Variants in TAL1 observed in about 807,000 individuals in gnomAD.
TAL1 encodes the protein T-cell acute lymphocytic leukemia protein 1.
Under a neutral mutation model 17.9 loss-of-function variants are expected in TAL1, and 8 were observed. The observed-to-expected ratio is 0.45, with a 90% CI of 0.26 to 0.81. TAL1 has a LOEUF of 0.81. Ranked by LOEUF, TAL1 falls within the 30% of genes least tolerant of loss-of-function variation. The probability of loss-of-function intolerance (pLI) is 0.17; values close to 1 mark genes in which losing one functional copy is unlikely to be tolerated. For missense variants in TAL1, 466 were observed against 486.9 expected (o/e 0.96, Z 0.40); for synonymous variants, 223 against 218.6 (o/e 1.02, Z -0.18).
chr1:47,228,936 C>A (rs1051647092), intron 1 of TAL1: 1 of 161,846 alleles, frequency 6.2e-6, no homozygotes, highest in Non-Finnish European at 1.3e-5. Flanking sequence ...TCCACAGAAC[C>A]GGGACCAATG....
intron 1 of TAL1, among the ~76,000 whole-genome samples, chr1:47,226,485 G>T (rs895474481): frequency 3.3e-5 from 5 of 152,116 alleles, no homozygotes; most frequent in African/African-American, 1.2e-4. Context: ...GATCCACTCC[G>T]CCAGAGCTGG....
chr1:47,217,462 G>A (rs141357333), exon 4 of TAL1: 4 of 398,204 alleles, frequency 1.0e-5, no homozygotes, highest in East Asian at 7.1e-5. Flanking sequence ...AGGCCAAAGC[G>A]GTTTACAATC....
At chr1:47,226,771 T>A (rs1378001834) in intron 1 of TAL1, among the ~76,000 whole-genome samples, 1 of 152,182 alleles carries the variant, frequency 6.6e-6, no homozygotes, top group African/African-American at 2.4e-5. Flanking sequence ...TGAGGTAGAA[T>A]GGAGCTGGGC....
chr1:47,225,807 G>A, exon 2 of TAL1: 1 of 1,573,810 alleles, frequency 6.4e-7, no homozygotes, highest in Non-Finnish European at 8.6e-7. Flanking sequence ...AGGTGCGGGG[G>A]GGCCATGCTG....
At chr1:47,216,647 A>G (rs1645501229) in exon 4 of TAL1, 1 of 231,840 alleles carries the variant, frequency 4.3e-6, no homozygotes, top group Admixed American at 5.6e-5. Flanking sequence ...TCGGCTGACT[A>G]CAGATGCTGT....
chr1:47,231,404 CACAGGCAT>C (rs1264008873), upstream of TAL1, among the ~76,000 whole-genome samples: 2 of 150,222 alleles, frequency 1.3e-5, no homozygotes, highest in Non-Finnish European at 3.0e-5. Flanking sequence ...GACACAGGCA[CACAGGCAT>C]ACAACTCAGT....
At chr1:47,224,247 GAC>G (rs141182492) in intron 2 of TAL1, 149 bp from the exon 4 acceptor site, 3,040 of 614,752 alleles carry the variant, frequency 4.9e-3, no homozygotes, top group South Asian at 6.7e-3. Flanking sequence ...GGCACACACA[GAC>G]ACACACACAC....
At chr1:47,224,713 TC>T (rs1344210646) in intron 2 of TAL1, among the ~76,000 whole-genome samples, 2 of 152,150 alleles carry the variant, frequency 1.3e-5, no homozygotes, top group Non-Finnish European at 2.9e-5. Flanking sequence ...TAGCTCTGTC[TC>T]GGGTGCCCGC....
At chr1:47,221,351 G>A (rs1321101419) in intron 3 of TAL1, among the ~76,000 whole-genome samples, 1 of 152,204 alleles carries the variant, frequency 6.6e-6, no homozygotes, top group Non-Finnish European at 1.5e-5. Context: ...ACAATCCACT[G>A]ACTATGGCTT....
exon 2 of TAL1, chr1:47,225,695 G>T (rs1464377428): frequency 1.4e-6 from 2 of 1,434,480 alleles, no homozygotes; most frequent in South Asian, 1.4e-5. Flanking sequence ...GCCCCCACCG[G>T]CAGGGCCGCC....
chr1:47,217,147 A>G (rs564154515), exon 4 of TAL1: 40 of 240,052 alleles, frequency 1.7e-4, no homozygotes, highest in African/African-American at 8.1e-4. Flanking sequence ...CTGGAGGCAA[A>G]GGCAGGAGAA....
chr1:47,220,756 ATG>A (rs1643773437), intron 3 of TAL1, among the ~76,000 whole-genome samples: 2 of 152,232 alleles, frequency 1.3e-5, no homozygotes, highest in Admixed American at 1.3e-4. Flanking sequence ...ATTATTATCC[ATG>A]TATCAGTTTT....
At chr1:47,228,853 TC>T (rs1643955640) in intron 1 of TAL1, 1 of 157,452 alleles carries the variant, frequency 6.4e-6, no homozygotes, top group South Asian at 2.0e-4. Context: ...GCCGCCTTCC[TC>T]CTGCGGGAGC....
chr1:47,219,821 C>T, exon 4 of TAL1: 1 of 1,606,394 alleles, frequency 6.2e-7, no homozygotes, highest in Non-Finnish European at 8.5e-7. Context: ...TCCGGGCTGG[C>T]TGCCCCATCC....
intron 2 of TAL1, 110 bp downstream of exon 3, chr1:47,225,333 C>T: frequency 9.6e-7 from 1 of 1,044,578 alleles, no homozygotes; most frequent in Non-Finnish European, 1.2e-6. Context: ...TGCGCTCCAC[C>T]CGCTCGGCCC....
intron 3 of TAL1, 74 bp downstream of exon 4, chr1:47,223,930 C>A: frequency 7.1e-7 from 1 of 1,414,024 alleles, no homozygotes; most frequent in South Asian, 1.2e-5. Context: ...CGGAGTAGTC[C>A]CAGATGTTCC....
At chr1:47,217,872 T>C (rs752111224) in exon 4 of TAL1, 7 of 397,556 alleles carry the variant, frequency 1.8e-5, no homozygotes, top group South Asian at 1.4e-4. Context: ...CTTCCAAACG[T>C]TGGAAAGGAA....
chr1:47,228,646 C>T (rs1445901274), intron 1 of TAL1: 1 of 171,058 alleles, frequency 5.8e-6, no homozygotes, highest in Non-Finnish European at 1.3e-5. Context: ...GACCCAGCCT[C>T]TGGTCTCTCT....
intron 2 of TAL1, among the ~76,000 whole-genome samples, chr1:47,224,361 C>T (rs1331446670): frequency 6.6e-6 from 1 of 151,684 alleles, no homozygotes; most frequent in Non-Finnish European, 1.5e-5. Context: ...GGCACATATG[C>T]AGAAGCAGAG....
Sources: allele counts gnomAD v4.1 joint callset (sites outside exome capture counted in the v4.1 genomes callset), GRCh38; gene constraint gnomAD v4.1.1; transcripts MANE v1.5; gene names NCBI Gene and HGNC (gene_info 2026-07-23, HGNC 2026-07-21).